Variants in HMGCL observed in about 807,000 individuals in gnomAD.
The protein encoded by HMGCL is hydroxymethylglutaryl-CoA lyase, mitochondrial.
In HMGCL, 26 loss-of-function variants were observed where a neutral mutation model predicts 37.3. The ratio of observed to expected loss-of-function variants is 0.70; its 90% CI spans 0.51 to 0.97. The LOEUF is 0.97. HMGCL is among the 50% of genes least tolerant of loss of function. The probability of loss-of-function intolerance (pLI) is 0.00; values close to 1 mark genes in which losing one functional copy is unlikely to be tolerated. For missense variants in HMGCL, 379 were observed against 398.1 expected, an observed-to-expected ratio of 0.95 and a Z score of 0.41; for synonymous variants, 151 against 148.0, an observed-to-expected ratio of 1.02 and a Z score of -0.15.
chr1:23,807,347 A>C (rs931567621), intron 7 of HMGCL: 11 of 468,234 alleles, frequency 2.3e-5, no homozygotes, highest in Non-Finnish European at 4.7e-5. Context: ...ACTCTGAGGA[A>C]ACCGACCCAG....
At chr1:23,808,729 T>C (rs1638458752) in intron 6 of HMGCL, among the ~76,000 whole-genome samples, 3 of 139,910 alleles carry the variant, frequency 2.1e-5, no homozygotes, top group African/African-American at 8.1e-5. Flanking sequence ...GAGATGCTAG[T>C]TATATTTTTT....
intron 5 of HMGCL, 191 bp downstream of exon 5, chr1:23,813,999 T>C: frequency 3.0e-6 from 2 of 663,480 alleles, no homozygotes; most frequent in South Asian, 3.5e-5. Context: ...TGACCCAAAA[T>C]TCAGGTTTGA....
Position 23,813,047 on chromosome 1 carries a change from G to A in HMGCL, c.497+1143C>T, listed in dbSNP as rs907351323. On this transcript the variant is annotated intron_variant, in intron 5 of 8. Coordinates refer to ENST00000374490, the MANE Select transcript of HMGCL (RefSeq NM_000191.3). ...TGGGATTACAGGTGCATGCCACTAC[G>A]CCCGGCTAATTTTTGTATTTTTAGT... Among the ~76,000 whole-genome samples, 4 of 151,128 alleles carry A rather than the reference G, an allele frequency of 2.6e-5. No homozygotes were observed. In the South Asian group the frequency reaches 6.3e-4, roughly 24 times the overall value.
At chr1:23,802,590 G>A (rs1570640549) in intron 8 of HMGCL, 26 bp from the exon 9 acceptor site, 8 of 1,393,688 alleles carry the variant, frequency 5.7e-6, no homozygotes, top group African/African-American at 4.3e-5. Context: ...TAGAGGATGC[G>A]GTAAGTCATG....
intron 2 of HMGCL, among the ~76,000 whole-genome samples, chr1:23,819,751 G>A (rs192368747): frequency 4.0e-5 from 6 of 151,592 alleles, no homozygotes; most frequent in Admixed American, 1.3e-4. Flanking sequence ...ACACACACAC[G>A]CGCGCGTGCG....
intron 6 of HMGCL, among the ~76,000 whole-genome samples, chr1:23,808,749 T>C (rs1465119552): frequency 2.0e-5 from 3 of 148,170 alleles, no homozygotes; most frequent in African/African-American, 5.0e-5. Context: ...TTTCTTTTTT[T>C]TTTTTTTTTT....
chr1:23,815,245 G>A (rs1048104071), intron 4 of HMGCL, among the ~76,000 whole-genome samples: 6 of 151,874 alleles, frequency 4.0e-5, no homozygotes, highest in African/African-American at 1.5e-4. Context: ...TGAAGACACA[G>A]AGACACAGAA....
chr1:23,814,973 C>T (rs527855876), intron 4 of HMGCL, among the ~76,000 whole-genome samples: 13 of 152,012 alleles, frequency 8.6e-5, no homozygotes, highest in African/African-American at 2.4e-4. Flanking sequence ...TTTGGGAGGC[C>T]GAGGCGGGCA....
Position 23,816,757 on chromosome 1 carries a change from G to A in HMGCL, c.266C>T (p.Thr89Ile), listed in dbSNP as rs764523368. 1.2e-6 allele frequency: 2 copies of A among 1,610,462 alleles called. No individual in the cohort carries two copies. Among genetic ancestry groups the A allele is most frequent in the Non-Finnish European group, 8.5e-7 (1 of 1,176,626 alleles). Residue 89 changes from threonine (T) to isoleucine (I), a missense_variant, in exon 4 of 9, where the codon ACT becomes ATT. Transcript: ENST00000374490. The stretch of plus-strand genomic sequence containing the variant: ...CTTCTGAATGCCCTTCAAGACTTCA[G>A]TGTGGTCACCCATCTAGGAACCAAG... ...PKWVPQMGDHTEVLKGIQKFP... is the reference protein window; with the variant it reads ...PKWVPQMGDHIEVLKGIQKFP...
At chr1:23,817,711 G>T in intron 2 of HMGCL, 128 bp from the exon 3 acceptor site, 1 of 705,568 alleles carries the variant, frequency 1.4e-6, no homozygotes, top group Non-Finnish European at 2.6e-6. Flanking sequence ...CTGAAAAGGA[G>T]TTATTTACAT....
In HMGCL at chr1:23,812,412, A is replaced by G. The variant is rs111466043; in HGVS notation, c.498-1613T>C. 6.2e-3 allele frequency among the ~76,000 whole-genome samples: 939 copies of G among 152,248 alleles called. 18 individuals carry two copies. Among genetic ancestry groups the G allele is most frequent in the African/African-American group, 0.021 (873 of 41,538 alleles). Reference sequence around the variant, plus strand: ...TACTCTTTCACCCATGCTGGTGTGCAGTGGCATGATTTTGGCTCACTTCAG... The same window carrying G: ...TACTCTTTCACCCATGCTGGTGTGCGGTGGCATGATTTTGGCTCACTTCAG... On this transcript the variant is annotated intron_variant, in intron 5 of 8. Coordinates refer to ENST00000374490, the MANE Select transcript of HMGCL (RefSeq NM_000191.3).
chr1:23,820,474 G>GA (rs755649975), intron 2 of HMGCL, 36 bp downstream of exon 2: 15 of 1,487,538 alleles, frequency 1.0e-5, no homozygotes, highest in Admixed American at 5.0e-5. Context: ...GCAGATGCTT[G>GA]AAAAAACTGT....
intron 1 of HMGCL, among the ~76,000 whole-genome samples, chr1:23,824,372 A>G (rs1373000962): frequency 1.3e-5 from 2 of 152,202 alleles, no homozygotes; most frequent in Non-Finnish European, 2.9e-5. Flanking sequence ...GGGCCATCTC[A>G]TTACACCAAA....
chr1:23,814,026 G>C, intron 5 of HMGCL, 164 bp downstream of exon 5: 1 of 766,760 alleles, frequency 1.3e-6, no homozygotes. Flanking sequence ...GTACTTCCTA[G>C]GATTTCTTCT....
chr1:23,815,956 C>T (rs1247756919), intron 4 of HMGCL, among the ~76,000 whole-genome samples: 1 of 151,690 alleles, frequency 6.6e-6, no homozygotes, highest in African/African-American at 2.4e-5. Context: ...TGCTGTGTCA[C>T]CCAGGCTGGA....
At chr1:23,823,110 A>C (rs1168829880) in intron 1 of HMGCL, among the ~76,000 whole-genome samples, 1 of 132,606 alleles carries the variant, frequency 7.5e-6, no homozygotes, top group African/African-American at 2.9e-5. Flanking sequence ...CAGGAGGAGG[A>C]GGTTGCAGTG....
chr1:23,823,548 T>C (rs1186915191), intron 1 of HMGCL, among the ~76,000 whole-genome samples: 1 of 151,982 alleles, frequency 6.6e-6, no homozygotes, highest in Admixed American at 6.6e-5. Context: ...AGACAGGATT[T>C]CACCAGGTTG....
intron 6 of HMGCL, 118 bp downstream of exon 6, chr1:23,810,618 G>A (rs1371118277): frequency 3.7e-6 from 3 of 820,322 alleles, no homozygotes; most frequent in Admixed American, 2.0e-5. Flanking sequence ...TGAAGGAGCT[G>A]GGTGAATGAA....
At chr1:23,820,637 C>T (rs1638702223) in intron 1 of HMGCL, 44 bp from the exon 2 acceptor site, 1 of 1,309,986 alleles carries the variant, frequency 7.6e-7, no homozygotes, top group Non-Finnish European at 1.1e-6. Context: ...GAAGAGATTG[C>T]CACAATTCCC....
Sources: gnomAD v4.1 joint callset for allele counts (sites outside exome capture counted in the v4.1 genomes callset) on GRCh38, gnomAD v4.1.1 for gene constraint, MANE v1.5 for transcripts, NCBI Gene and HGNC (gene_info 2026-07-23, HGNC 2026-07-21) for gene names.